Variants in WNT10A observed in about 807,000 individuals in gnomAD.
WNT10A encodes Wnt family member 10A.
In WNT10A, 37 loss-of-function variants were observed where a neutral mutation model predicts 36.1. The ratio of observed to expected loss-of-function variants is 1.02; its 90% confidence interval spans 0.79 to 1.35. The LOEUF is 1.35. Ranked by LOEUF, WNT10A falls within the 40% of genes most tolerant of loss-of-function variation. WNT10A has a pLI of 0.00. For missense variants in WNT10A, 613 were observed against 601.4 expected, an observed-to-expected ratio of 1.02 and a Z score of -0.20; for synonymous variants, 255 against 254.1, an observed-to-expected ratio of 1.00 and a Z score of -0.03.
Position 218,892,958 on chromosome 2 carries a change from C to T in WNT10A, c.941C>T (p.Pro314Leu), listed in dbSNP as rs1944673045. 3 of 1,443,306 alleles carry T rather than the reference C, an allele frequency of 2.1e-6. No homozygotes were observed. Among genetic ancestry groups the T allele is most frequent in the East Asian group, 2.9e-5 (1 of 34,494 alleles). 89.4% of individuals were successfully genotyped at this position (1,443,306 alleles called of 1,614,324 possible). A position where few individuals can be genotyped will look rare whatever the true frequency, so the allele number is the denominator to read the frequency against. Residue 314 changes from proline to leucine, a missense_variant, in exon 4 of 4, where the codon CCA (proline) becomes CTA (leucine). Coordinates refer to ENST00000258411, the MANE Select transcript of WNT10A (RefSeq NM_025216.3). ...AACGGCGGCCAGCTGGAGCCGGGCC[C>T]AGCGGGGGCACCCTCGCCGGCTCCG... is the stretch of plus-strand genomic sequence containing the variant. Reference protein sequence around the residue: ...NRNGGQLEPGPAGAPSPAPGA... With the variant: ...NRNGGQLEPGLAGAPSPAPGA...
chr2:218,878,265 G>A (rs1944470690), upstream of WNT10A, among the ~76,000 whole-genome samples: 1 of 152,086 alleles, frequency 6.6e-6, no homozygotes, highest in African/African-American at 2.4e-5. The surrounding 1 kb of genome is among the most constrained non-coding windows in gnomAD (Gnocchi z 4.1). Context: ...CCAAGGCTCT[G>A]GACCAACACA....
intron 1 of WNT10A, among the ~76,000 whole-genome samples, chr2:218,881,504 C>T (rs1944515551): frequency 6.6e-6 from 1 of 151,068 alleles, no homozygotes; most frequent in Admixed American, 6.6e-5. Context: ...AGGGGGTAGC[C>T]CAGGTGGGGT....
upstream of WNT10A, among the ~76,000 whole-genome samples, chr2:218,876,435 C>T (rs1330255926): frequency 6.6e-6 from 1 of 152,180 alleles, no homozygotes; most frequent in Admixed American, 6.5e-5. Flanking sequence ...ACTCGGTGAC[C>T]TAGCCTGCTT....
chr2:218,890,089 C>T lies in WNT10A; in HGVS notation c.482C>T (p.Ala161Val), dbSNP rs777252016. 28 of 1,613,992 alleles carry T rather than the reference C, an allele frequency of 1.7e-5. No individual in the cohort carries two copies. Among genetic ancestry groups the T allele is most frequent in the Non-Finnish European group, 2.3e-5 (27 of 1,180,040 alleles). The change falls in exon 3 of 4, where the codon GCG becomes GTG. Residue 161 changes from alanine to valine, a missense_variant. Transcript: ENST00000258411. The stretch of plus-strand genomic sequence containing the variant: ...AAACTGAAGGCCTGTGGCTGTGATG[C>T]GTCCCGGCGAGGGGACGAGGAGGCC... Reference protein sequence around the residue: ...LGKLKACGCDASRRGDEEAFR... With the variant: ...LGKLKACGCDVSRRGDEEAFR...
chr2:218,883,378 G>A (rs2106012239), intron 2 of WNT10A, among the ~76,000 whole-genome samples: 1 of 152,240 alleles, frequency 6.6e-6, no homozygotes, highest in Non-Finnish European at 1.5e-5. Context: ...TTGTAGCCTT[G>A]GGTCTTGAGG....
At chr2:218,879,146 A>T (rs1944480933), upstream of WNT10A, among the ~76,000 whole-genome samples, 1 of 137,576 alleles carries the variant, frequency 7.3e-6, no homozygotes, top group Admixed American at 7.7e-5. Context: ...GCCGGCAGAG[A>T]TGAGGGGGAA....
chr2:218,893,578 C>T lies in WNT10A; in HGVS notation c.*307C>T. 2.9e-6 allele frequency: 1 copy of T among 341,040 alleles called. No homozygotes were observed. The highest frequency in any genetic ancestry group is 5.3e-6 in the Non-Finnish European group (1 of 188,938). 21.1% of individuals were successfully genotyped at this position (341,040 alleles called of 1,614,324 possible). On this transcript the variant is annotated 3_prime_UTR_variant, in exon 4 of 4. Transcript: ENST00000258411. This position sits in a 1 kb window ranked among gnomAD's most constrained non-coding sequence, Gnocchi z 6.3. ...TAAAACAAGCCTCAGCCAGGCAACCCGTCAGTCTGTCTCCATCCTTTCACC... is the reference window on the plus strand; with the variant it reads ...TAAAACAAGCCTCAGCCAGGCAACCTGTCAGTCTGTCTCCATCCTTTCACC...
In WNT10A at chr2:218,880,999, G is replaced by A. The variant is rs533605522; in HGVS notation, c.4G>A (p.Gly2Ser). 207 of 1,574,556 alleles carry A rather than the reference G, an allele frequency of 1.3e-4. No individual in the cohort carries two copies. The South Asian group carries it at 2.3e-3, about 17-fold the overall frequency. Residue 2 changes from glycine (G) to serine (S), a missense_variant, in exon 1 of 4, where the codon GGC becomes AGC. Transcript: ENST00000258411. This position sits in a 1 kb window ranked among gnomAD's most constrained non-coding sequence, Gnocchi z 7.7. ...AGCCCGTCAGGGCCTGCGCGCCATG[G>A]GCAGCGCCCACCCTCGCCCCTGGCT... is the stretch of plus-strand genomic sequence containing the variant. Reference protein sequence around the residue: MGSAHPRPWLRL... With the variant: MSSAHPRPWLRL...
Position 218,882,276 on chromosome 2 carries a change from C to T in WNT10A, c.229C>T (p.Arg77Cys), listed in dbSNP as rs748131786. 8.7e-6 allele frequency: 14 copies of T among 1,614,048 alleles called. No individual in the cohort carries two copies. Among genetic ancestry groups the T allele is most frequent in the Admixed American group, 6.7e-5 (4 of 60,010 alleles). ...CCGGCGGCAGATGGAGGTGTGTGTG[C>T]GTCACCCTGATGTGGCTGCCTCAGC... Reference protein sequence around the residue: ...LSRRQMEVCVRHPDVAASAIQ... With the variant: ...LSRRQMEVCVCHPDVAASAIQ... The change falls in exon 2 of 4, where the codon CGT becomes TGT. Residue 77 changes from arginine (R) to cysteine (C), a missense_variant. Arg to Cys is a radical substitution (Grantham distance 180). Coordinates refer to ENST00000258411, the MANE Select transcript of WNT10A (RefSeq NM_025216.3).
upstream of WNT10A, chr2:218,880,370 A>C (rs1234600216): frequency 1.3e-5 from 2 of 153,390 alleles, no homozygotes; most frequent in African/African-American, 4.8e-5. This position sits in a 1 kb window ranked among gnomAD's most constrained non-coding sequence, Gnocchi z 7.7. Context: ...TGCCCTCAGC[A>C]GGGACGCTCC....
At chr2:218,879,831 T>C (rs1448944434), upstream of WNT10A, among the ~76,000 whole-genome samples, 1 of 152,178 alleles carries the variant, frequency 6.6e-6, no homozygotes, top group Non-Finnish European at 1.5e-5. Context: ...GGGAGCTAAA[T>C]AAACTATCTC....
chr2:218,875,479 C>T, the WNT10A span, among the ~76,000 whole-genome samples: 5 of 152,084 alleles, frequency 3.3e-5, no homozygotes, highest in East Asian at 9.6e-4. Flanking sequence ...CGTGAGCCAC[C>T]GCGCCCGGCC....
chr2:218,882,440 C>T lies in WNT10A; in HGVS notation c.376+17C>T, dbSNP rs1465356453. 6.2e-7 allele frequency: 1 copy of T among 1,613,538 alleles called. No homozygotes were observed. Among genetic ancestry groups the T allele is most frequent in the Non-Finnish European group, 8.5e-7 (1 of 1,179,732 alleles). On this transcript the variant is annotated intron_variant, in intron 2 of 3. Transcript: ENST00000258411. ...TCAGCAGAGGTAGCTGCCCCTCACCCCTGCCCCTGCCTGCCCCATCCAGCA... is the reference window on the plus strand; with the variant it reads ...TCAGCAGAGGTAGCTGCCCCTCACCTCTGCCCCTGCCTGCCCCATCCAGCA...
chr2:218,884,913 G>A (rs1944562234), intron 2 of WNT10A, among the ~76,000 whole-genome samples: 1 of 152,202 alleles, frequency 6.6e-6, no homozygotes, highest in Admixed American at 6.5e-5. Context: ...ATCCTCTTAA[G>A]TGTGGATTCT....
chr2:218,892,280 C>G lies in WNT10A; in HGVS notation c.757-494C>G, dbSNP rs943300471. On this transcript the variant is annotated intron_variant, in intron 3 of 3. Coordinates refer to ENST00000258411, the MANE Select transcript of WNT10A (RefSeq NM_025216.3). Reference sequence around the variant, plus strand: ...GGGACCAAGGCTTTCTGAAACTCACCGAACACCCCTCCACCCACCCCACCA... The same window carrying G: ...GGGACCAAGGCTTTCTGAAACTCACGGAACACCCCTCCACCCACCCCACCA... 2.1e-5 allele frequency among the ~76,000 whole-genome samples: 3 copies of G among 142,258 alleles called. No individual in the cohort carries two copies. The South Asian group carries it at 6.9e-4, about 33-fold the overall frequency. 93.3% of individuals were successfully genotyped at this position (142,258 alleles called of 152,430 possible).
chr2:218,881,155 G>A (rs546745985), intron 1 of WNT10A, 47 bp downstream of exon 1: 1 of 1,554,022 alleles, frequency 6.4e-7, no homozygotes, highest in Non-Finnish European at 8.7e-7. Flanking sequence ...TTGGGACCCC[G>A]GCCTGCAGGG....
Position 218,880,923 on chromosome 2 carries a change from G to A in WNT10A, c.-73G>A. ...CGCCCCGACCCCCCGCCGATCATGC[G>A]CCGGCGCCCCTGGCTCTCCAGTCCC... On this transcript the variant is annotated 5_prime_UTR_variant, in exon 1 of 4. Coordinates refer to ENST00000258411, the MANE Select transcript of WNT10A (RefSeq NM_025216.3). The surrounding 1 kb of genome is among the most constrained non-coding windows in gnomAD (Gnocchi z 7.7). 5 of 1,469,744 alleles carry A rather than the reference G, an allele frequency of 3.4e-6. No individual in the cohort carries two copies. Among genetic ancestry groups the A allele is most frequent in the Non-Finnish European group, 4.5e-6 (5 of 1,114,784 alleles). 91.0% of individuals were successfully genotyped at this position (1,469,744 alleles called of 1,614,324 possible). A position where few individuals can be genotyped will look rare whatever the true frequency, so the allele number is the denominator to read the frequency against.
At chr2:218,875,728 AT>A in the WNT10A span, among the ~76,000 whole-genome samples, 29 of 151,810 alleles carry the variant, frequency 1.9e-4, no homozygotes, top group African/African-American at 6.3e-4. Context: ...TGTTGGGAGA[AT>A]TTTTTTTTGA....
chr2:218,881,540 CTGTGTGTGTG>C (rs142861827), intron 1 of WNT10A, among the ~76,000 whole-genome samples: 4 of 141,540 alleles, frequency 2.8e-5, no homozygotes, highest in African/African-American at 8.6e-5. Context: ...GCTGCAAGAG[CTGTGTGTGTG>C]TGTGTGTGTG....
Sources: gnomAD v4.1 joint callset for allele counts (sites outside exome capture counted in the v4.1 genomes callset) on GRCh38, gnomAD v4.1.1 for gene constraint, Gnocchi (gnomAD v3.1) non-coding constraint, MANE v1.5 for transcripts, NCBI Gene and HGNC (gene_info 2026-07-23, HGNC 2026-07-21) for gene names.